The following CD6 variants were observed in gnomAD, a reference collection of about 807,000 sequenced individuals.
The protein encoded by CD6 is T-cell differentiation antigen CD6.
In CD6, 53 loss-of-function variants were observed where a neutral mutation model predicts 75.3. The observed-to-expected ratio is 0.70, with a 90% CI of 0.56 to 0.88. CD6 has a LOEUF of 0.88. CD6 is among the 40% of genes least tolerant of loss of function. The pLI is 0.00. For missense variants in CD6, 770 were observed against 897.1 expected (o/e 0.86, Z 1.81); for synonymous variants, 359 against 381.5 (o/e 0.94, Z 0.69).
chr11:60,986,042 G>A (rs533248108), intron 1 of CD6, among the ~76,000 whole-genome samples: 2 of 152,250 alleles, frequency 1.3e-5, no homozygotes, highest in South Asian at 4.1e-4. Flanking sequence ...AGAAACTGAG[G>A]CCTTGGAACG....
chr11:61,007,811 G>A lies in CD6; in HGVS notation c.370G>A (p.Ala124Thr), dbSNP rs1238788201. The A allele has an allele frequency of 1.4e-6, 2 of 1,471,916 alleles. No homozygotes were observed. Among genetic ancestry groups the A allele is most frequent in the Non-Finnish European group, 9.0e-7 (1 of 1,115,994 alleles). 91.2% of individuals were successfully genotyped at this position (1,471,916 alleles called of 1,614,324 possible). Residue 124 changes from alanine to threonine, a missense_variant, in exon 3 of 13, where the codon GCG becomes ACG. Transcript: ENST00000313421. This position sits in a 1 kb window ranked among gnomAD's most constrained non-coding sequence, Gnocchi z 4.2. ...AGCAGCTAATGCCACTCTGGCCGGG[G>A]CGCCCGCCCTCCTGTGCAGCGGCGC... is the stretch of plus-strand genomic sequence containing the variant. The part of the protein sequence containing the change: ...SVAANATLAG[A>T]PALLCSGAEW...
chr11:61,006,517 C>A, intron 1 of CD6, 57 bp from the exon 2 acceptor site: 1 of 1,425,052 alleles, frequency 7.0e-7, no homozygotes, highest in South Asian at 1.2e-5. Flanking sequence ...CAGGGTGTCT[C>A]TGTGGTCTCC....
Position 61,019,281 on chromosome 11 carries a change from C to G in CD6, c.1970C>G (p.Thr657Ser). ...PGSPSPQPDSTDNDDYDDISA... is the reference protein window; with the variant it reads ...PGSPSPQPDSSDNDDYDDISA... The stretch of plus-strand genomic sequence containing the variant: ...TCCCCCAGCCCTCAGCCTGACTCCA[C>G]CGACAACGATGACTACGATGACATC... Residue 657 changes from threonine to serine, a missense_variant, in exon 13 of 13, where the codon ACC becomes AGC. Physicochemically the swap from Thr to Ser is moderately conservative, Grantham distance 58 (BLOSUM62 1). Coordinates refer to ENST00000313421, the MANE Select transcript of CD6 (RefSeq NM_006725.5). 4 of 1,611,224 alleles carry G rather than the reference C, an allele frequency of 2.5e-6. No individual in the cohort carries two copies. In the South Asian group the frequency reaches 4.4e-5, roughly 18 times the overall value.
intron 8 of CD6, chr11:61,015,500 G>A: frequency 3.7e-6 from 2 of 547,632 alleles, no homozygotes; most frequent in Non-Finnish European, 6.5e-6. Flanking sequence ...GAGCCCAGGA[G>A]GTCAATGCTG....
chr11:61,018,366 C>G lies in CD6; in HGVS notation c.1915C>G (p.Pro639Ala), dbSNP rs201561033. Residue 639 changes from proline to alanine, a missense_variant, in exon 12 of 13, where the codon CCT (proline) becomes GCT (alanine). Pro to Ala is a conservative substitution (Grantham distance 27). Transcript: ENST00000313421. Reference sequence around the variant, plus strand: ...GAACTTCCAGCCACCACCCCAGCCCCCTTCGGAGGAGCAGTTTGGCTGTCC... The same window carrying G: ...GAACTTCCAGCCACCACCCCAGCCCGCTTCGGAGGAGCAGTTTGGCTGTCC... ...YQNFQPPPQP[P>A]SEEQFGCPGS... The G allele has an allele frequency of 5.0e-6, 8 of 1,602,668 alleles. No individual in the cohort carries two copies. In the Admixed American group the frequency reaches 1.4e-4, roughly 27 times the overall value.
In CD6 at chr11:61,007,782, G is replaced by T; in HGVS notation, c.341G>T (p.Ser114Ile). The change falls in exon 3 of 13, where the codon AGC becomes ATC. Residue 114 changes from serine to isoleucine, a missense_variant. Transcript: ENST00000313421. This position sits in a 1 kb window ranked among gnomAD's most constrained non-coding sequence, Gnocchi z 4.2. The stretch of plus-strand genomic sequence containing the variant: ...CCCCCGCCTGCAGCCGGGAACACCA[G>T]CGTAGCAGCTAATGCCACTCTGGCC... ...LPPPPAAGNT[S>I]VAANATLAGA... 1 of 1,476,478 alleles carries T rather than the reference G, an allele frequency of 6.8e-7. No individual in the cohort carries two copies. The allele number at this position is 1,476,478 out of a possible 1,614,324, so 91.5% of individuals were successfully genotyped here. A position where few individuals can be genotyped will look rare whatever the true frequency, so the allele number is the denominator to read the frequency against.
intron 1 of CD6, chr11:60,982,666 T>C (rs1857620086): frequency 2.2e-6 from 1 of 456,066 alleles, no homozygotes; most frequent in Middle Eastern, 3.3e-4. Flanking sequence ...TGGAGAAATA[T>C]GTTGCTTTGC....
chr11:61,007,807 C>T lies in CD6; in HGVS notation c.366C>T (p.Ala122=), dbSNP rs998601429. ...GCGTAGCAGCTAATGCCACTCTGGC[C>T]GGGGCGCCCGCCCTCCTGTGCAGCG... ...NTSVAANATL[A]GAPALLCSGA... The change falls in exon 3 of 13, where the codon GCC becomes GCT. Residue 122 remains alanine (A), a synonymous_variant. Transcript: ENST00000313421. The surrounding 1 kb of genome is among the most constrained non-coding windows in gnomAD (Gnocchi z 4.2). 3 of 1,472,856 alleles carry T rather than the reference C, an allele frequency of 2.0e-6. No individual in the cohort carries two copies. The highest frequency in any genetic ancestry group is 2.7e-6 in the Non-Finnish European group (3 of 1,116,092). The allele number at this position is 1,472,856 out of a possible 1,614,324, so 91.2% of individuals were successfully genotyped here. A position where few individuals can be genotyped will look rare whatever the true frequency, so the allele number is the denominator to read the frequency against.
chr11:61,019,162 AGTGAT>A (rs1429205498), intron 12 of CD6, 87 bp from the exon 13 acceptor site: 1 of 856,384 alleles, frequency 1.2e-6, no homozygotes, highest in Non-Finnish European at 1.9e-6. Flanking sequence ...CCACGGGGAT[AGTGAT>A]GTGGAGCCAG....
chr11:60,971,775 CA>C lies in CD6; in HGVS notation c.-90del, dbSNP rs1857190691. ...AGCAAAGGGTAGAGCAGACCTGCGC[CA>C]GGGGCGCACAACGGCCGTGTCCACC... is the stretch of plus-strand genomic sequence containing the variant. On this transcript the variant is annotated 5_prime_UTR_variant, in exon 1 of 13. It introduces an in-frame stop codon into an upstream open reading frame of the 5' UTR. Transcript: ENST00000313421. 5 of 1,311,724 alleles carry C rather than the reference CA, an allele frequency of 3.8e-6. No individual in the cohort carries two copies. The highest frequency in any genetic ancestry group is 2.4e-5 in the South Asian group (2 of 81,904). 81.3% of individuals were successfully genotyped at this position (1,311,724 alleles called of 1,614,324 possible).
intron 7 of CD6, 142 bp downstream of exon 7, chr11:61,013,705 C>A: frequency 1.0e-6 from 1 of 964,920 alleles, no homozygotes; most frequent in Non-Finnish European, 1.6e-6. Context: ...ATTTTCCCAG[C>A]ATGCCCAGCA....
In CD6 at chr11:61,011,003, C is replaced by T. The variant is rs190800807; in HGVS notation, c.1085-67C>T. The T allele has an allele frequency of 2.4e-3, 3,510 of 1,442,960 alleles. 10 individuals are homozygous for T. Among genetic ancestry groups the T allele is most frequent in the Non-Finnish European group, 3.2e-3 (3,256 of 1,024,490 alleles). The allele number at this position is 1,442,960 out of a possible 1,614,324, so 89.4% of individuals were successfully genotyped here. A position where few individuals can be genotyped will look rare whatever the true frequency, so the allele number is the denominator to read the frequency against. ...TTGTCTGTCCCATTCAGTTTCTAAC[C>T]CAAGGCCTGGCACACAGTAGGTGCT... On this transcript the variant is annotated intron_variant, in intron 5 of 12. Coordinates refer to ENST00000313421, the MANE Select transcript of CD6 (RefSeq NM_006725.5).
chr11:61,007,425 T>C lies in CD6; in HGVS notation c.119-135T>C. 1 of 650,686 alleles carries C rather than the reference T, an allele frequency of 1.5e-6. No homozygotes were observed. Among genetic ancestry groups the C allele is most frequent in the Non-Finnish European group, 2.4e-6 (1 of 425,212 alleles). 40.3% of individuals were successfully genotyped at this position (650,686 alleles called of 1,614,324 possible). A position where few individuals can be genotyped will look rare whatever the true frequency, so the allele number is the denominator to read the frequency against. On this transcript the variant is annotated intron_variant, in intron 2 of 12. Transcript: ENST00000313421. This position sits in a 1 kb window ranked among gnomAD's most constrained non-coding sequence, Gnocchi z 4.2. Reference sequence around the variant, plus strand: ...TCAGGGATGAGCCAGCCCGGCTCCATTTTGCAGACTGGAAAGCTGAGACCC... The same window carrying C: ...TCAGGGATGAGCCAGCCCGGCTCCACTTTGCAGACTGGAAAGCTGAGACCC...
intron 1 of CD6, chr11:60,987,870 TCG>T (rs1857892222): frequency 6.6e-6 from 1 of 152,238 alleles, no homozygotes. Flanking sequence ...TTATAACTGA[TCG>T]TAATCAACCA....
Position 60,971,924 on chromosome 11 carries a change from C to G in CD6, c.49+10C>G, listed in dbSNP as rs559783118. On this transcript the variant is annotated intron_variant, in intron 1 of 12. Coordinates refer to ENST00000313421, the MANE Select transcript of CD6 (RefSeq NM_006725.5). ...ACGGCAGCCCTCTCAGGTAGGCCCC[C>G]TTCCCTCATCTCCTGCCACTGGTGC... 6.2e-7 allele frequency: 1 copy of G among 1,613,452 alleles called. No homozygotes were observed. Among genetic ancestry groups the G allele is most frequent in the Admixed American group, 1.7e-5 (1 of 60,010 alleles).
chr11:60,997,117 T>A (rs1167918638), intron 1 of CD6, among the ~76,000 whole-genome samples: 3 of 152,224 alleles, frequency 2.0e-5, no homozygotes, highest in Non-Finnish European at 1.5e-5. Context: ...GGCTCATGCC[T>A]GTAATCCCAG....
intron 8 of CD6, 126 bp from the exon 9 acceptor site, chr11:61,015,587 A>G: frequency 3.5e-6 from 4 of 1,138,614 alleles, no homozygotes; most frequent in Non-Finnish European, 2.5e-6. Flanking sequence ...GAAAGAAAAA[A>G]AAAGGGGGCT....
At chr11:61,008,173 G>A (rs1314544035) in intron 3 of CD6, among the ~76,000 whole-genome samples, 1 of 152,086 alleles carries the variant, frequency 6.6e-6, no homozygotes, top group East Asian at 1.9e-4. Context: ...AAGCTAACCC[G>A]GTCTCTAACC....
chr11:61,004,203 C>T (rs1858735830), intron 1 of CD6, among the ~76,000 whole-genome samples: 1 of 152,100 alleles, frequency 6.6e-6, no homozygotes, highest in South Asian at 2.1e-4. Context: ...CAGTCGTAAT[C>T]ACATATGCAC....
Sources: allele counts gnomAD v4.1 joint callset (sites outside exome capture counted in the v4.1 genomes callset), GRCh38; gene constraint gnomAD v4.1.1; non-coding constraint Gnocchi (gnomAD v3.1); transcripts MANE v1.5; gene names NCBI Gene and HGNC (gene_info 2026-07-23, HGNC 2026-07-21).